The following LRRC57 variants were observed in gnomAD, a reference collection of about 807,000 sequenced individuals.
LRRC57 encodes leucine rich repeat containing 57, also known as leucine-rich repeat-containing protein 57.
LRRC57 carries 14 observed loss-of-function variants against 23.1 expected under a neutral mutation model. That is an observed-to-expected ratio of 0.61 (90% CI 0.40 to 0.95). The LOEUF (loss-of-function observed/expected upper bound fraction) is 0.95. Among genes scored for constraint, LRRC57 ranks in the 40% least tolerant of loss-of-function variants. The pLI is 0.00. For synonymous variants in LRRC57, 106 were observed against 115.2 expected, an observed-to-expected ratio of 0.92 and a Z score of 0.51; for missense variants, 236 against 284.4, an observed-to-expected ratio of 0.83 and a Z score of 1.22.
At chr15:42,544,634 C>T (rs893166716) in intron 5 of LRRC57, among the ~76,000 whole-genome samples, 6 of 151,750 alleles carry the variant, frequency 4.0e-5, no homozygotes, top group African/African-American at 7.3e-5. Context: ...ACCAGCTTGG[C>T]GAACAAGGCA....
rs1164646488 is a variant in LRRC57, at chr15:42,539,477, C to CAAAAAAAAAAAAAAAAAAAA, written c.*4586_*4605dup. On this transcript the variant is annotated 3_prime_UTR_variant, in exon 6 of 6. Transcript: ENST00000397130. ...TGGGCGAAACAGACAGCCTCTGTCT[C>CAAAAAAAAAAAAAAAAAAAA]AAAAAAAAAAAAAAAAAAAAAGAGA... 1 of 43,660 alleles carries CAAAAAAAAAAAAAAAAAAAA rather than the reference C, an allele frequency of 2.3e-5. No homozygotes were observed. The allele number at this position is 43,660 out of a possible 1,614,324, so 2.7% of individuals were successfully genotyped here.
At chr15:42,530,023 G>A in the LRRC57 span, among the ~76,000 whole-genome samples, 17 of 152,318 alleles carry the variant, frequency 1.1e-4, 1 homozygote, top group South Asian at 3.1e-3. Context: ...TGAAACCAGA[G>A]TTTTGGAATA....
chr15:42,529,082 A>G, the LRRC57 span, among the ~76,000 whole-genome samples: 154 of 152,366 alleles, frequency 1.0e-3, no homozygotes, highest in African/African-American at 3.5e-3. Context: ...CAGAGAGTTA[A>G]TATTTCAGAC....
chr15:42,537,026 G>T (rs1237771572), downstream of LRRC57, among the ~76,000 whole-genome samples: 5 of 151,984 alleles, frequency 3.3e-5, no homozygotes, highest in African/African-American at 7.3e-5. Context: ...TCCATTTCAT[G>T]TGTGGATTAT....
rs989372442 is a variant in LRRC57, at chr15:42,543,939, G to T, written c.*144C>A. 3 of 570,380 alleles carry T rather than the reference G, an allele frequency of 5.3e-6. No homozygotes were observed. Among genetic ancestry groups the T allele is most frequent in the African/African-American group, 1.8e-5 (1 of 54,434 alleles). 35.3% of individuals were successfully genotyped at this position (570,380 alleles called of 1,614,324 possible). ...TGAGAAGAGCCCTGAAATGAGAAAAGATCATTGAGTGAAATATAATCTCCT... is the reference window on the plus strand; with the variant it reads ...TGAGAAGAGCCCTGAAATGAGAAAATATCATTGAGTGAAATATAATCTCCT... On this transcript the variant is annotated 3_prime_UTR_variant, in exon 6 of 6. Coordinates refer to ENST00000397130, the MANE Select transcript of LRRC57 (RefSeq NM_153260.3).
chr15:42,547,375 T>C lies in LRRC57; in HGVS notation c.378A>G (p.Gln126=), dbSNP rs776478649. 1.5e-4 allele frequency: 236 copies of C among 1,614,082 alleles called. No individual in the cohort carries two copies. The highest frequency in any genetic ancestry group is 1.9e-4 in the Non-Finnish European group (228 of 1,180,030). ...SGNQLGALPP[Q]LCSLRHLDVM... Reference sequence around the variant, plus strand: ...CATCCAGGTGCCGTAGGCTACAAAGTTGGGGAGGTAATGCTCCCAGTTGGT... The same window carrying C: ...CATCCAGGTGCCGTAGGCTACAAAGCTGGGGAGGTAATGCTCCCAGTTGGT... Residue 126 remains glutamine (Q), a synonymous_variant, in exon 4 of 6, where the codon CAA becomes CAG. Coordinates refer to ENST00000397130, the MANE Select transcript of LRRC57 (RefSeq NM_153260.3).
rs762116935 is a variant in LRRC57 at position 42,548,454 on chromosome 15, T to A, written c.-20A>T. On this transcript the variant is annotated splice_region_variant and 5_prime_UTR_variant, in exon 2 of 6. Transcript: ENST00000397130. Reference sequence around the variant, plus strand: ...TCCCATCCTAGCGCCGCGGCTCAGGTCCCTGCGGGAAGGAAGCGCTGCTGT... The same window carrying A: ...TCCCATCCTAGCGCCGCGGCTCAGGACCCTGCGGGAAGGAAGCGCTGCTGT... 6.2e-7 allele frequency: 1 copy of A among 1,612,040 alleles called. No homozygotes were observed. Among genetic ancestry groups the A allele is most frequent in the Admixed American group, 1.7e-5 (1 of 59,942 alleles).
At chr15:42,528,921 G>T in the LRRC57 span, among the ~76,000 whole-genome samples, 1 of 152,142 alleles carries the variant, frequency 6.6e-6, no homozygotes, top group Non-Finnish European at 1.5e-5. Flanking sequence ...GACCTTGGGT[G>T]ATGGAATTAA....
intron 4 of LRRC57, among the ~76,000 whole-genome samples, chr15:42,545,882 C>T (rs1325983991): frequency 6.6e-6 from 1 of 152,128 alleles, no homozygotes; most frequent in African/African-American, 2.4e-5. Flanking sequence ...TTCTAGAAAG[C>T]TCATTCATTA....
chr15:42,536,709 A>G (rs145020206), downstream of LRRC57, among the ~76,000 whole-genome samples: 7 of 152,340 alleles, frequency 4.6e-5, no homozygotes, highest in East Asian at 5.8e-4. Context: ...ATTTTCTCCC[A>G]TAACATTGTC....
chr15:42,546,528 T>C (rs1025720483), intron 4 of LRRC57, among the ~76,000 whole-genome samples: 12 of 152,050 alleles, frequency 7.9e-5, no homozygotes, highest in Non-Finnish European at 1.6e-4. Flanking sequence ...AGAAAAGTAA[T>C]AACCACATGC....
At chr15:42,535,718 CTCT>C (rs1335644955), downstream of LRRC57, among the ~76,000 whole-genome samples, 2 of 152,080 alleles carry the variant, frequency 1.3e-5, no homozygotes, top group African/African-American at 4.8e-5. Flanking sequence ...CCGGCTATGA[CTCT>C]TCTTTTCACT....
chr15:42,535,093 G>C (rs1317920469), downstream of LRRC57, among the ~76,000 whole-genome samples: 1 of 152,232 alleles, frequency 6.6e-6, no homozygotes, highest in African/African-American at 2.4e-5. Flanking sequence ...CCTAAATGGT[G>C]TCATTTTCCA....
chr15:42,545,831 C>T (rs1228020094), intron 4 of LRRC57, among the ~76,000 whole-genome samples: 1 of 152,080 alleles, frequency 6.6e-6, no homozygotes, highest in African/African-American at 2.4e-5. Flanking sequence ...TTTCAAGTAG[C>T]TGTCTGTAAT....
In LRRC57 at chr15:42,547,504, A is replaced by T. The variant is rs1299905289; in HGVS notation, c.249T>A (p.Asn83Lys). ...GGCTTAGCGTCTCTAGTTTTTTCAGATTGCATATCTCATCAGGCAGAACAG... is the reference window on the plus strand; with the variant it reads ...GGCTTAGCGTCTCTAGTTTTTTCAGTTTGCATATCTCATCAGGCAGAACAG... ...KLTVLPDEIC[N>K]LKKLETLSLN... is the part of the protein sequence containing the mutation. Residue 83 changes from asparagine to lysine, a missense_variant, in exon 4 of 6, where the codon AAT becomes AAA. Transcript: ENST00000397130. The T allele has an allele frequency of 6.2e-7, 1 of 1,612,264 alleles. No homozygotes were observed. The highest frequency in any genetic ancestry group is 1.1e-5 in the South Asian group (1 of 91,024).
downstream of LRRC57, among the ~76,000 whole-genome samples, chr15:42,533,524 G>A (rs888179292): frequency 2.0e-5 from 3 of 152,228 alleles, no homozygotes; most frequent in African/African-American, 7.2e-5. Context: ...ACGGAGGATT[G>A]TGCTTTACCT....
chr15:42,548,497 G>A (rs1769322731), intron 1 of LRRC57, 41 bp from the exon 2 acceptor site: 2 of 1,549,482 alleles, frequency 1.3e-6, no homozygotes, highest in Admixed American at 1.8e-5. Flanking sequence ...CAGTCCACCC[G>A]GTCGGCCTCC....
downstream of LRRC57, among the ~76,000 whole-genome samples, chr15:42,535,447 AT>A (rs1163369824): frequency 3.6e-3 from 504 of 140,628 alleles, no homozygotes; most frequent in African/African-American, 5.2e-3. Context: ...CTGTCTTGGC[AT>A]TTTTTTTTTT....
Position 42,548,194 on chromosome 15 carries a change from C to A in LRRC57, c.135G>T (p.Leu45Phe), listed in dbSNP as rs1330784376. ...GTAGGCTTTCGATCTTGTTGTTGGA[C>A]AAGTCGATGGTCCTGAGATTGCTCG... is the stretch of plus-strand genomic sequence containing the variant. ...KLTSNLRTID[L>F]SNNKIESLPP... The change falls in exon 3 of 6, where the codon TTG becomes TTT. Residue 45 changes from leucine to phenylalanine, a missense_variant. By Grantham distance (22) the Leu-to-Phe change is conservative. Coordinates refer to ENST00000397130, the MANE Select transcript of LRRC57 (RefSeq NM_153260.3). 17 of 1,614,100 alleles carry A rather than the reference C, an allele frequency of 1.1e-5. No homozygotes were observed. The highest frequency in any genetic ancestry group is 3.3e-5 in the South Asian group (3 of 91,092).
Sources: gnomAD v4.1 joint callset for allele counts (sites outside exome capture counted in the v4.1 genomes callset) on GRCh38, gnomAD v4.1.1 for gene constraint, MANE v1.5 for transcripts, NCBI Gene and HGNC (gene_info 2026-07-23, HGNC 2026-07-21) for gene names.